The following CSRP1 variants were observed in gnomAD, a reference collection of about 807,000 sequenced individuals.
CSRP1 encodes cysteine and glycine-rich protein 1.
Under a neutral mutation model 25.4 loss-of-function variants are expected in CSRP1, and 16 were observed. The observed-to-expected ratio is 0.63, with a 90% confidence interval of 0.43 to 0.96. The LOEUF is 0.96. Ranked by LOEUF, CSRP1 falls within the 40% of genes least tolerant of loss-of-function variation. CSRP1 has a pLI of 0.00. For synonymous variants in CSRP1, 97 were observed against 95.3 expected, an observed-to-expected ratio of 1.02 and a Z score of -0.10; for missense variants, 212 against 243.6, an observed-to-expected ratio of 0.87 and a Z score of 0.86.
At chr1:201,486,517 TG>T (rs1184326616) in intron 4 of CSRP1, 15 of 985,484 alleles carry the variant, frequency 1.5e-5, no homozygotes, top group Non-Finnish European at 1.8e-5. Context: ...AGAGCTGAAA[TG>T]GGGGGACCTG....
intron 4 of CSRP1, 166 bp from the exon 5 acceptor site, chr1:201,485,542 A>T: frequency 1.6e-6 from 1 of 620,422 alleles, no homozygotes; most frequent in Non-Finnish European, 2.9e-6. Flanking sequence ...AAGGCAGTAG[A>T]GGGAGAAGGC....
Position 201,490,297 on chromosome 1 carries a change from C to T in CSRP1, c.160G>A (p.Glu54Lys), listed in dbSNP as rs1218036571. 2 of 1,614,204 alleles carry T rather than the reference C, an allele frequency of 1.2e-6. No homozygotes were observed. Among genetic ancestry groups the T allele is most frequent in the Non-Finnish European group, 1.7e-6 (2 of 1,180,050 alleles). ...LDSTTVAVHG[E>K]EIYCKSCYGK... ...TAGCAGGACTTGCAGTAAATCTCCT[C>T]ACCATGCACGGCCACAGTGGTACTG... The change falls in exon 3 of 6, where the codon GAG becomes AAG. Residue 54 changes from glutamate to lysine, a missense_variant. Glu to Lys is a moderately conservative substitution (Grantham distance 56). Coordinates refer to ENST00000340006, the MANE Select transcript of CSRP1 (RefSeq NM_004078.3).
chr1:201,495,208 TAA>T (rs1032923376), intron 2 of CSRP1, among the ~76,000 whole-genome samples: 22 of 152,102 alleles, frequency 1.4e-4, no homozygotes, highest in African/African-American at 5.3e-4. Context: ...CCACCCTGGG[TAA>T]TATAGGGAGA....
rs1664039698 is a variant in CSRP1 at position 201,483,601 on chromosome 1, A to T, written c.*1112T>A. On this transcript the variant is annotated 3_prime_UTR_variant, in exon 6 of 6. Transcript: ENST00000340006. ...TACAGCCCATGCCTGCAGCCCTTTC[A>T]GTGGGTGGCTCCAGATAGTGTTGTC... 1 of 186,258 alleles carries T rather than the reference A, an allele frequency of 5.4e-6. No individual in the cohort carries two copies. The highest frequency in any genetic ancestry group is 1.2e-4 in the East Asian group (1 of 8,566). 11.5% of individuals were successfully genotyped at this position (186,258 alleles called of 1,614,324 possible).
At chr1:201,504,501 C>T (rs1051487062) in intron 1 of CSRP1, among the ~76,000 whole-genome samples, 2 of 152,230 alleles carry the variant, frequency 1.3e-5, no homozygotes, top group Non-Finnish European at 2.9e-5. Flanking sequence ...CTCACTAGCA[C>T]CTCTTTGGAT....
In CSRP1 at chr1:201,497,859, A is replaced by G. The variant is rs183075791; in HGVS notation, c.-1-1555T>C. ...AACCTGTCTCTACTAAAAATAGAAA[A>G]ATTAGTGGGGCGTGGTGGCACCTGC... On this transcript the variant is annotated intron_variant, in intron 1 of 5. Coordinates refer to ENST00000340006, the MANE Select transcript of CSRP1 (RefSeq NM_004078.3). 4.0e-3 allele frequency among the ~76,000 whole-genome samples: 603 copies of G among 151,960 alleles called. 5 individuals are homozygous for G. Among genetic ancestry groups the G allele is most frequent in the African/African-American group, 0.014 (582 of 41,408 alleles).
intron 5 of CSRP1, 93 bp from the exon 6 acceptor site, chr1:201,484,882 C>T (rs1664083291): frequency 2.7e-6 from 3 of 1,091,854 alleles, no homozygotes. Context: ...CTCCTAGTGC[C>T]CAGCCAGACT....
intron 1 of CSRP1, among the ~76,000 whole-genome samples, chr1:201,504,739 G>T (rs2102417804): frequency 2.0e-5 from 3 of 151,276 alleles, no homozygotes; most frequent in African/African-American, 7.3e-5. Flanking sequence ...ACAGGGAGGG[G>T]ATCACTTGAG....
At chr1:201,487,093 C>G in intron 4 of CSRP1, 1 of 756,742 alleles carries the variant, frequency 1.3e-6, no homozygotes, top group African/African-American at 1.8e-5. Flanking sequence ...GCACATTATA[C>G]ATGTACTATC....
intron 4 of CSRP1, 165 bp from the exon 5 acceptor site, chr1:201,485,541 G>T: frequency 4.8e-6 from 3 of 620,024 alleles, no homozygotes; most frequent in South Asian, 3.9e-5. Flanking sequence ...CAAGGCAGTA[G>T]AGGGAGAAGG....
At chr1:201,488,739 A>G in intron 4 of CSRP1, 116 bp downstream of exon 4, 1 of 1,256,590 alleles carries the variant, frequency 8.0e-7, no homozygotes, top group Non-Finnish European at 1.1e-6. Flanking sequence ...GAAGAGGTTA[A>G]ACCCCAGTGC....
chr1:201,489,955 C>T (rs879110335), intron 3 of CSRP1: 17 of 488,002 alleles, frequency 3.5e-5, no homozygotes, highest in African/African-American at 1.3e-4. Context: ...ATAGAATGCA[C>T]GCTCCTTGCA....
chr1:201,493,659 G>T (rs1664412098), intron 2 of CSRP1, among the ~76,000 whole-genome samples: 2 of 152,220 alleles, frequency 1.3e-5, no homozygotes, highest in South Asian at 4.1e-4. Context: ...GGCAAGCTGA[G>T]TAGAATCTGG....
At chr1:201,497,413 C>A (rs1664548369) in intron 1 of CSRP1, among the ~76,000 whole-genome samples, 2 of 139,902 alleles carry the variant, frequency 1.4e-5, no homozygotes, top group African/African-American at 5.2e-5. Flanking sequence ...GGGCAGTTAT[C>A]AAACTTCAGA....
Position 201,484,809 on chromosome 1 carries a change from A to G in CSRP1, c.506-20T>C, listed in dbSNP as rs749253867. On this transcript the variant is annotated intron_variant, in intron 5 of 5. Coordinates refer to ENST00000340006, the MANE Select transcript of CSRP1 (RefSeq NM_004078.3). ...AACATCCTGCAGAGAGAGGAGAGAG[A>G]TAAGGGCATGTTCTTCCTCCACCCC... 1.9e-6 allele frequency: 3 copies of G among 1,605,334 alleles called. No individual in the cohort carries two copies. The African/African-American group carries it at 4.0e-5, about 21-fold the overall frequency.
At chr1:201,490,624 C>G in intron 2 of CSRP1, 1 of 345,208 alleles carries the variant, frequency 2.9e-6, no homozygotes, top group Non-Finnish European at 5.5e-6. Context: ...CCTAAACTTC[C>G]TCAGGCTGCA....
intron 1 of CSRP1, among the ~76,000 whole-genome samples, chr1:201,502,980 CA>C (rs3029388): frequency 0.02 from 2,805 of 142,790 alleles, 53 homozygotes; most frequent in South Asian, 0.068. Context: ...ACTAAATATA[CA>C]AAAAAAAAAA....
At chr1:201,497,581 G>A (rs982828760) in intron 1 of CSRP1, among the ~76,000 whole-genome samples, 3 of 152,180 alleles carry the variant, frequency 2.0e-5, no homozygotes, top group Non-Finnish European at 4.4e-5. Flanking sequence ...CCAACTTTGA[G>A]ATGCTCTAGG....
chr1:201,504,122 G>A (rs1664745930), intron 1 of CSRP1, among the ~76,000 whole-genome samples: 1 of 152,200 alleles, frequency 6.6e-6, no homozygotes, highest in Non-Finnish European at 1.5e-5. Flanking sequence ...AAAAGGAAAT[G>A]TAGAGGAGCA....
Sources: allele counts gnomAD v4.1 joint callset (sites outside exome capture counted in the v4.1 genomes callset), GRCh38; gene constraint gnomAD v4.1.1; transcripts MANE v1.5; gene names NCBI Gene and HGNC (gene_info 2026-07-23, HGNC 2026-07-21).